The following DPP3 variants were observed in gnomAD, a reference collection of about 807,000 sequenced individuals.
DPP3 encodes the protein DPP III.
DPP3 carries 64 observed loss-of-function variants against 89.8 expected under a neutral mutation model. The observed-to-expected ratio is 0.71, with a 90% CI of 0.58 to 0.88. The LOEUF (loss-of-function observed/expected upper bound fraction) is 0.88. DPP3 is among the 40% of genes least tolerant of loss of function. The pLI, the probability that DPP3 is intolerant of heterozygous loss-of-function variation, is 0.00. For synonymous variants in DPP3, 377 were observed against 404.3 expected (o/e 0.93, Z 0.81); for missense variants, 835 against 972.5 (o/e 0.86, Z 1.88).
At position 66,509,061 on chromosome 11, in the gene DPP3, T is replaced by G; in HGVS notation, c.2042-18T>G. 3 of 1,612,598 alleles carry G rather than the reference T, an allele frequency of 1.9e-6. No individual in the cohort carries two copies. The highest frequency in any genetic ancestry group is 2.5e-6 in the Non-Finnish European group (3 of 1,179,158). On this transcript the variant is annotated intron_variant, in intron 17 of 17. Coordinates refer to ENST00000531863, the MANE Select transcript of DPP3 (RefSeq NM_130443.4). ...ATTCAGACCTTTCCCTGCTGTTTTC[T>G]CTCCATCTCCTCCCCAGGCTCAGAC...
At position 66,482,225 on chromosome 11, in the gene DPP3, C is replaced by T; in HGVS notation, c.25C>T (p.Pro9Ser). Residue 9 changes from proline to serine, a missense_variant, in exon 2 of 18, where the codon CCC becomes TCC. Pro to Ser is a moderately conservative substitution (Grantham distance 74, BLOSUM62 -1). Coordinates refer to ENST00000531863, the MANE Select transcript of DPP3 (RefSeq NM_130443.4). ...CATGGCGGACACCCAGTACATCCTG[C>T]CCAATGACATCGGCGTGTCTAGCCT... Reference protein sequence around the residue: MADTQYILPNDIGVSSLDC... With the variant: MADTQYILSNDIGVSSLDC... The T allele has an allele frequency of 3.7e-6, 6 of 1,614,164 alleles. 1 individual carries two copies. In the Middle Eastern group the frequency reaches 4.9e-4, roughly 133 times the overall value.
At chr11:66,501,186 CAAAA>C (rs777381952) in intron 16 of DPP3, among the ~76,000 whole-genome samples, 3 of 116,862 alleles carry the variant, frequency 2.6e-5, no homozygotes, top group Non-Finnish European at 3.6e-5. Context: ...GACTCTGTCT[CAAAA>C]AAAAAAAAAA....
intron 16 of DPP3, among the ~76,000 whole-genome samples, chr11:66,502,956 A>G (rs969528606): frequency 6.6e-6 from 1 of 151,576 alleles, no homozygotes; most frequent in African/African-American, 2.4e-5. Flanking sequence ...TGTGTAAGAA[A>G]TGTTTTATTT....
chr11:66,495,107 G>A (rs773396754), intron 12 of DPP3, 99 bp from the exon 13 acceptor site: 15 of 1,578,540 alleles, frequency 9.5e-6, no homozygotes, highest in East Asian at 2.2e-5. Context: ...CTGCGCTCCC[G>A]CTTGCCTTCC....
chr11:66,502,514 G>C (rs1855704162), intron 16 of DPP3, among the ~76,000 whole-genome samples: 1 of 151,880 alleles, frequency 6.6e-6, no homozygotes, highest in Non-Finnish European at 1.5e-5. Flanking sequence ...CTGTCGCCCA[G>C]GCTGGAGTGC....
chr11:66,501,549 G>A (rs1212311107), intron 16 of DPP3, among the ~76,000 whole-genome samples: 1 of 152,038 alleles, frequency 6.6e-6, no homozygotes, highest in Admixed American at 6.6e-5. Flanking sequence ...AACCGGCCGG[G>A]CACAGTGGCT....
Position 66,491,309 on chromosome 11 carries a change from A to G in DPP3, c.724A>G (p.Ser242Gly). 1 of 1,613,984 alleles carries G rather than the reference A, an allele frequency of 6.2e-7. No homozygotes were observed. The highest frequency in any genetic ancestry group is 8.5e-7 in the Non-Finnish European group (1 of 1,179,986). Residue 242 changes from serine (S) to glycine (G), a missense_variant, in exon 7 of 18, where the codon AGC becomes GGC. Physicochemically the swap from Ser to Gly is moderately conservative, Grantham distance 56 (BLOSUM62 0). Transcript: ENST00000531863. ...GCTGAAGAGCTATGAATTCCGGGGAAGCCCTTTCCAGGTGACCCGGGGGGA... is the reference window on the plus strand; with the variant it reads ...GCTGAAGAGCTATGAATTCCGGGGAGGCCCTTTCCAGGTGACCCGGGGGGA... ...SKLKSYEFRG[S>G]PFQVTRGDYA...
chr11:66,497,410 G>C lies in DPP3; in HGVS notation c.1811G>C (p.Arg604Pro). 1 of 1,613,946 alleles carries C rather than the reference G, an allele frequency of 6.2e-7. No individual in the cohort carries two copies. Among genetic ancestry groups the C allele is most frequent in the Non-Finnish European group, 8.5e-7 (1 of 1,180,008 alleles). ...GSDGRPDARV[R>P]LDRSKIRSVG... ...GATGGGCGCCCAGATGCCCGGGTCC[G>C]CCTCGACCGCAGCAAGATCCGGTCT... Residue 604 changes from arginine (R) to proline (P), a missense_variant, in exon 16 of 18, where the codon CGC becomes CCC. Transcript: ENST00000531863.
At chr11:66,500,044 C>A (rs1181414503) in intron 16 of DPP3, among the ~76,000 whole-genome samples, 2 of 152,042 alleles carry the variant, frequency 1.3e-5, no homozygotes, top group Non-Finnish European at 2.9e-5. Context: ...ACAAAGGGTT[C>A]ATATTTAAAA....
intron 12 of DPP3, 150 bp from the exon 13 acceptor site, chr11:66,495,056 C>A: frequency 9.3e-7 from 1 of 1,074,124 alleles, no homozygotes; most frequent in Non-Finnish European, 1.4e-6. Context: ...GCTGTGCAGG[C>A]GTCAGTGTGT....
intron 16 of DPP3, among the ~76,000 whole-genome samples, chr11:66,501,424 T>C (rs1343496307): frequency 1.3e-5 from 2 of 150,890 alleles, no homozygotes; most frequent in Non-Finnish European, 2.9e-5. Context: ...TGTTTATAAG[T>C]AAAAGACTAC....
Position 66,502,022 on chromosome 11 carries a change from G to A in DPP3, c.1879-2590G>A, listed in dbSNP as rs555218967. Among the ~76,000 whole-genome samples, 613 of 151,562 alleles carry A rather than the reference G, an allele frequency of 4.0e-3. 7 individuals carry two copies. Among genetic ancestry groups the A allele is most frequent in the African/African-American group, 0.014 (589 of 41,356 alleles). ...ACCATCCTGGCCAACATGGCGGCCC[G>A]TCTCTACTAAAAATACAAAAATTAG... On this transcript the variant is annotated intron_variant, in intron 16 of 17. Transcript: ENST00000531863.
At chr11:66,499,309 G>A (rs1855622531) in intron 16 of DPP3, among the ~76,000 whole-genome samples, 1 of 151,718 alleles carries the variant, frequency 6.6e-6, no homozygotes, top group Non-Finnish European at 1.5e-5. Context: ...GTTGCAGTGA[G>A]CCGAGATTGC....
rs1455679549 is a variant in DPP3, at chr11:66,485,317, T to C, written c.360+55T>C. The C allele has an allele frequency of 4.4e-5, 68 of 1,553,008 alleles. No homozygotes were observed. In the Admixed American group the frequency reaches 9.4e-4, roughly 21 times the overall value. The stretch of plus-strand genomic sequence containing the variant: ...GGATGGGGGGCTGGTGGGGTAGAGA[T>C]GGAAAATGCAGTAGAAGGAGCCCCA... On this transcript the variant is annotated intron_variant, in intron 3 of 17. Transcript: ENST00000531863.
rs1700188 is a variant in DPP3 at position 66,487,465 on chromosome 11, C to T, written c.573+123C>T. 4,896 of 988,462 alleles carry T rather than the reference C, an allele frequency of 5.0e-3. 131 individuals carry two copies. The African/African-American group carries it at 0.066, about 13-fold the overall frequency. The allele number at this position is 988,462 out of a possible 1,614,324, so 61.2% of individuals were successfully genotyped here. A position where few individuals can be genotyped will look rare whatever the true frequency, so the allele number is the denominator to read the frequency against. On this transcript the variant is annotated intron_variant, in intron 5 of 17. Transcript: ENST00000531863. ...TACTCCCTGTGTACTAGGGAAGGCGCGACCCCTGCCCACCCCAGGCTATAG... is the reference window on the plus strand; with the variant it reads ...TACTCCCTGTGTACTAGGGAAGGCGTGACCCCTGCCCACCCCAGGCTATAG...
At position 66,497,444 on chromosome 11, in the gene DPP3, G is replaced by C. The variant is rs765707232; in HGVS notation, c.1845G>C (p.Lys615Asn). The stretch of plus-strand genomic sequence containing the variant: ...GCAGCAAGATCCGGTCTGTGGGCAA[G>C]CCTGCTCTAGAGCGCTTCCTGCGGA... Reference protein sequence around the residue: ...LDRSKIRSVGKPALERFLRRL... With the variant: ...LDRSKIRSVGNPALERFLRRL... The change falls in exon 16 of 18, where the codon AAG becomes AAC. Residue 615 changes from lysine (K) to asparagine (N), a missense_variant. Lys to Asn is a moderately conservative substitution (Grantham distance 94). Coordinates refer to ENST00000531863, the MANE Select transcript of DPP3 (RefSeq NM_130443.4). The C allele has an allele frequency of 6.2e-7, 1 of 1,613,980 alleles. No homozygotes were observed. Among genetic ancestry groups the C allele is most frequent in the Non-Finnish European group, 8.5e-7 (1 of 1,180,032 alleles).
Position 66,482,379 on chromosome 11 carries a change from ATGCTC to A in DPP3, c.185_189del (p.Leu62GlnfsTer19). 1 of 1,612,178 alleles carries A rather than the reference ATGCTC, an allele frequency of 6.2e-7. No homozygotes were observed. Among genetic ancestry groups the A allele is most frequent in the Non-Finnish European group, 8.5e-7 (1 of 1,179,976 alleles). ...ACCTCCCCTGAGGCCCCCTACATCT[ATGCTC>A]TGCTCAGCCGCCTCTTCCGCGCCCA... On this transcript the variant is annotated frameshift_variant, in exon 2 of 18. Transcript: ENST00000531863. LOFTEE classifies it high-confidence loss of function.
chr11:66,497,752 A>G (rs975360073), intron 16 of DPP3, among the ~76,000 whole-genome samples: 50 of 152,118 alleles, frequency 3.3e-4, no homozygotes, highest in Non-Finnish European at 3.1e-4. Flanking sequence ...TTAGCCAGGT[A>G]TGGTAGTGCG....
At chr11:66,487,785 C>T (rs937804406) in intron 5 of DPP3, 129 bp from the exon 6 acceptor site, 9 of 782,184 alleles carry the variant, frequency 1.2e-5, no homozygotes, top group Non-Finnish European at 1.9e-5. Flanking sequence ...CTCCTGCTCC[C>T]AGCCAACCCA....
Sources: allele counts gnomAD v4.1 joint callset (sites outside exome capture counted in the v4.1 genomes callset), GRCh38; gene constraint gnomAD v4.1.1; transcripts MANE v1.5; gene names NCBI Gene and HGNC (gene_info 2026-07-23, HGNC 2026-07-21).